CLU: variants seen among roughly 807,000 people sequenced by gnomAD.
CLU encodes the protein aging-associated protein 4.
Under a neutral mutation model 46.4 loss-of-function variants are expected in CLU, and 25 were observed. The ratio of observed to expected loss-of-function variants is 0.54; its 90% CI spans 0.39 to 0.75. The LOEUF (loss-of-function observed/expected upper bound fraction) is 0.75, where lower values mean the gene tolerates loss of function less well. CLU is among the 30% of genes least tolerant of loss of function. CLU has a pLI of 0.00. For synonymous variants in CLU, 235 were observed against 235.1 expected, an observed-to-expected ratio of 1.00 and a Z score of 0.00; for missense variants, 504 against 592.1, an observed-to-expected ratio of 0.85 and a Z score of 1.54.
At chr8:27,605,889 A>G (rs767066721) in intron 4 of CLU, among the ~76,000 whole-genome samples, 3 of 151,964 alleles carry the variant, frequency 2.0e-5, no homozygotes, top group Non-Finnish European at 4.4e-5. Flanking sequence ...AAAATACAAA[A>G]ATTAGCTGGG....
chr8:27,606,394 G>A lies in CLU; in HGVS notation c.377C>T (p.Ala126Val), dbSNP rs377249021. Reference sequence around the variant, plus strand: ...GCCTGAGCCACTTCTGCAGACGCGTGCGTAGAACTTCATGCAGGTCTGTTT... The same window carrying A: ...GCCTGAGCCACTTCTGCAGACGCGTACGTAGAACTTCATGCAGGTCTGTTT... The part of the protein sequence containing the change: ...CLKQTCMKFY[A>V]RVCRSGSGLV... Residue 126 changes from alanine to valine, a missense_variant, in exon 4 of 9, where the codon GCA (alanine) becomes GTA (valine). This residue lies in a region of CLU where 428 missense variants were observed against 484.0 expected (regional missense o/e 0.88). Coordinates refer to ENST00000316403, the MANE Select transcript of CLU (RefSeq NM_001831.4). 6.2e-7 allele frequency: 1 copy of A among 1,614,214 alleles called. No individual in the cohort carries two copies. The highest frequency in any genetic ancestry group is 8.5e-7 in the Non-Finnish European group (1 of 1,180,040).
At position 27,597,403 on chromosome 8, in the gene CLU, A is replaced by G. The variant is rs977932422; in HGVS notation, c.*838T>C. 1 of 454,540 alleles carries G rather than the reference A, an allele frequency of 2.2e-6. No homozygotes were observed. Among genetic ancestry groups the G allele is most frequent in the Non-Finnish European group, 4.4e-6 (1 of 226,784 alleles). 28.2% of individuals were successfully genotyped at this position (454,540 alleles called of 1,614,324 possible). On this transcript the variant is annotated 3_prime_UTR_variant, in exon 9 of 9. Transcript: ENST00000316403. ...CGAGAAACGCCTGTGGTCCAGGGAA[A>G]GGTATGAAGATCATATAAACCGGCG...
At chr8:27,608,716 G>C in intron 3 of CLU, 1 of 615,608 alleles carries the variant, frequency 1.6e-6, no homozygotes, top group South Asian at 1.9e-5. Context: ...ATTAGGCCCT[G>C]GGCCAGGCTC....
In CLU at chr8:27,605,274, T is replaced by A; in HGVS notation, c.479A>T (p.Asp160Val). Residue 160 changes from aspartate (D) to valine (V), a missense_variant, in exon 5 of 9, where the codon GAC becomes GTC. Coordinates refer to ENST00000316403, the MANE Select transcript of CLU (RefSeq NM_001831.4). Reference sequence around the variant, plus strand: ...CTGCCGGTCGTTCTCCAGCAGGGAGTCGATGCGGTCACCATTCATCCAGAA... The same window carrying A: ...CTGCCGGTCGTTCTCCAGCAGGGAGACGATGCGGTCACCATTCATCCAGAA... Reference protein sequence around the residue: ...FYFWMNGDRIDSLLENDRQQT... With the variant: ...FYFWMNGDRIVSLLENDRQQT... 1 of 1,613,014 alleles carries A rather than the reference T, an allele frequency of 6.2e-7. No homozygotes were observed. The highest frequency in any genetic ancestry group is 8.5e-7 in the Non-Finnish European group (1 of 1,179,792).
intron 1 of CLU, chr8:27,611,197 G>A: frequency 4.4e-6 from 2 of 454,158 alleles, no homozygotes; most frequent in South Asian, 1.6e-5. Flanking sequence ...CCTTCACACC[G>A]AATCCATCTG....
intron 6 of CLU, among the ~76,000 whole-genome samples, chr8:27,603,720 A>G (rs1342703856): frequency 2.6e-5 from 4 of 152,178 alleles, no homozygotes; most frequent in Non-Finnish European, 5.9e-5. Context: ...GGGCCCCAGG[A>G]GAGAACACAG....
In CLU at chr8:27,599,652, C is replaced by T. The variant is rs1441367235; in HGVS notation, c.1164+128G>A. The T allele has an allele frequency of 1.4e-6, 1 of 731,086 alleles. No individual in the cohort carries two copies. Among genetic ancestry groups the T allele is most frequent in the Non-Finnish European group, 2.4e-6 (1 of 417,704 alleles). The allele number at this position is 731,086 out of a possible 1,614,324, so 45.3% of individuals were successfully genotyped here. A position where few individuals can be genotyped will look rare whatever the true frequency, so the allele number is the denominator to read the frequency against. ...CTGAGTGGGTGATGAGGCTTCAAGG[C>T]AACAGGGGCGCCTAAAGTTTTCTAT... is the stretch of plus-strand genomic sequence containing the variant. On this transcript the variant is annotated intron_variant, in intron 7 of 8. Transcript: ENST00000316403. This position sits in a 1 kb window ranked among gnomAD's most constrained non-coding sequence, Gnocchi z 4.0.
Position 27,608,941 on chromosome 8 carries a change from T to C in CLU, c.243A>G (p.Lys81=), listed in dbSNP as rs761140796. The C allele has an allele frequency of 3.1e-6, 5 of 1,614,238 alleles. No homozygotes were observed. Among genetic ancestry groups the C allele is most frequent in the Non-Finnish European group, 4.2e-6 (5 of 1,180,042 alleles). Reference sequence around the variant, plus strand: ...GGCGGTAGCGGCTCCTCCTGACCTCTTTCTTCTTCTTGGCTTCTTCTAGGT... The same window carrying C: ...GGCGGTAGCGGCTCCTCCTGACCTCCTTCTTCTTCTTGGCTTCTTCTAGGT... ...LSNLEEAKKK[K]EDALNETRES... is the part of the protein sequence containing the mutation. Residue 81 remains lysine (K), a synonymous_variant, in exon 3 of 9, where the codon AAA becomes AAG. Transcript: ENST00000316403.
Position 27,598,459 on chromosome 8 carries a change from C to T in CLU, c.1340+1G>A, listed in dbSNP as rs1158680599. 6.2e-7 allele frequency: 1 copy of T among 1,613,996 alleles called. No individual in the cohort carries two copies. Among genetic ancestry groups the T allele is most frequent in the Admixed American group, 1.7e-5 (1 of 60,022 alleles). ...CCCGCAGGAAAGGCCCGCCTGCTTA[C>T]CGGTGCTTTTTGCGGTATTCCTGCA... On this transcript the variant is annotated splice_donor_variant, in intron 8 of 8. Transcript: ENST00000316403. LOFTEE classifies it high-confidence loss of function.
At chr8:27,611,295 G>A (rs1178162673) in intron 1 of CLU, 2 of 454,904 alleles carry the variant, frequency 4.4e-6, no homozygotes, top group Non-Finnish European at 8.8e-6. Flanking sequence ...CCTTCGGAGA[G>A]TAGAGAGGGT....
intron 6 of CLU, 64 bp from the exon 7 acceptor site, chr8:27,600,073 C>G: frequency 7.8e-7 from 1 of 1,282,622 alleles, no homozygotes; most frequent in Non-Finnish European, 1.1e-6. Context: ...GGGATAGAAC[C>G]ATGAATGAAT....
chr8:27,602,464 A>G (rs1048766319), intron 6 of CLU, among the ~76,000 whole-genome samples: 3 of 152,030 alleles, frequency 2.0e-5, no homozygotes, highest in African/African-American at 7.2e-5. Context: ...TTAGCCAAGC[A>G]TGGTGGAGCA....
In CLU at chr8:27,598,479, C is replaced by T. The variant is rs777397743; in HGVS notation, c.1321G>A (p.Glu441Lys). 2 of 1,614,024 alleles carry T rather than the reference C, an allele frequency of 1.2e-6. No homozygotes were observed. The highest frequency in any genetic ancestry group is 2.2e-5 in the South Asian group (2 of 91,068). The change falls in exon 8 of 9, where the codon GAA becomes AAA. Residue 441 changes from glutamate (E) to lysine (K), a missense_variant. Physicochemically the swap from Glu to Lys is moderately conservative, Grantham distance 56. Around this residue, in one of 3 missense-constraint regions of CLU, gnomAD observed 428 missense variants for 484.0 expected, o/e 0.88. Transcript: ENST00000316403. ...GCTTACCGGTGCTTTTTGCGGTATT[C>T]CTGCAGCGCTTTCTCCGCCACGGTC... ...METVAEKALQEYRKKHREE is the reference protein window; with the variant it reads ...METVAEKALQKYRKKHREE
At chr8:27,609,156 G>T (rs1431477675) in intron 2 of CLU, 70 bp from the exon 3 acceptor site, 2 of 1,564,362 alleles carry the variant, frequency 1.3e-6, no homozygotes, top group Non-Finnish European at 1.8e-6. Flanking sequence ...GGAATGAGCT[G>T]GATGGCCAGA....
rs141383962 is a variant in CLU, at chr8:27,605,112, C to T, written c.641G>A (p.Arg214Gln). 77 of 1,613,936 alleles carry T rather than the reference C, an allele frequency of 4.8e-5. No homozygotes were observed. The highest frequency in any genetic ancestry group is 2.3e-4 in the Admixed American group (14 of 59,980). The change falls in exon 5 of 9, where the codon CGG becomes CAG. Residue 214 changes from arginine to glutamine, a missense_variant. By Grantham distance (43) the Arg-to-Gln change is conservative. This residue lies in a region of CLU where 428 missense variants were observed against 484.0 expected (regional missense o/e 0.88). Coordinates refer to ENST00000316403, the MANE Select transcript of CLU (RefSeq NM_001831.4). ...YHYLPFSLPH[R>Q]RPHFFFPKSR... The stretch of plus-strand genomic sequence containing the variant: ...CTTGGGAAAGAAGAAGTGAGGCCTC[C>T]GGTGGGGCAGGCTGAAGGGCAGGTA...
At position 27,598,125 on chromosome 8, in the gene CLU, G is replaced by A; in HGVS notation, c.*116C>T. On this transcript the variant is annotated 3_prime_UTR_variant, in exon 9 of 9. Coordinates refer to ENST00000316403, the MANE Select transcript of CLU (RefSeq NM_001831.4). ...AGAGGCTGGGCGGAGTTGGGGGCCT[G>A]GAGGCTGGGGCCTGGTTACTTGGTG... 1 of 1,028,994 alleles carries A rather than the reference G, an allele frequency of 9.7e-7. No homozygotes were observed. Among genetic ancestry groups the A allele is most frequent in the Middle Eastern group, 2.1e-4 (1 of 4,864 alleles). 63.7% of individuals were successfully genotyped at this position (1,028,994 alleles called of 1,614,324 possible).
intron 3 of CLU, 37 bp from the exon 4 acceptor site, chr8:27,606,561 G>C: frequency 6.2e-7 from 1 of 1,612,564 alleles, no homozygotes; most frequent in South Asian, 1.1e-5. Flanking sequence ...GCCACACAGA[G>C]ACCACAGGCT....
rs140575752 is a variant in CLU at position 27,604,150 on chromosome 8, C to T, written c.934+141G>A. ...GCTGCATGAGGCTCAGGACCTGCCC[C>T]GGGACACAGCTCAAAGGCTGCAGAG... On this transcript the variant is annotated intron_variant, in intron 6 of 8. Transcript: ENST00000316403. The T allele has an allele frequency of 7.6e-5, 54 of 710,592 alleles. No homozygotes were observed. In the Middle Eastern group the frequency reaches 1.1e-3, roughly 15 times the overall value. 44.0% of individuals were successfully genotyped at this position (710,592 alleles called of 1,614,324 possible).
In CLU at chr8:27,597,997, C is replaced by T. The variant is rs775145460; in HGVS notation, c.*244G>A. On this transcript the variant is annotated 3_prime_UTR_variant, in exon 9 of 9. Transcript: ENST00000316403. ...ATAAAAAGAGGACCCTCCAAGCGAT[C>T]AGCTCACAAGACAGTTTTATTGAAT... 8.6e-5 allele frequency: 59 copies of T among 682,888 alleles called. 1 individual carries two copies. The highest frequency in any genetic ancestry group is 1.2e-4 in the Non-Finnish European group (46 of 374,298). 42.3% of individuals were successfully genotyped at this position (682,888 alleles called of 1,614,324 possible). A position where few individuals can be genotyped will look rare whatever the true frequency, so the allele number is the denominator to read the frequency against.
Sources: allele counts gnomAD v4.1 joint callset (sites outside exome capture counted in the v4.1 genomes callset), GRCh38; gene constraint gnomAD v4.1.1; regional missense constraint gnomAD v4.1.1; non-coding constraint Gnocchi (gnomAD v3.1); transcripts MANE v1.5; gene names NCBI Gene and HGNC (gene_info 2026-07-23, HGNC 2026-07-21).